Variants in HSD17B4 observed in about 807,000 individuals in gnomAD.
HSD17B4 encodes the protein hydroxysteroid 17-beta dehydrogenase 4.
In HSD17B4, 70 loss-of-function variants were observed where a neutral mutation model predicts 101.0. The observed-to-expected ratio is 0.69, with a 90% CI of 0.57 to 0.85. The LOEUF (loss-of-function observed/expected upper bound fraction) is 0.85, where lower values mean the gene tolerates loss of function less well. Among genes scored for constraint, HSD17B4 ranks in the 40% least tolerant of loss-of-function variants. The probability of loss-of-function intolerance (pLI) is 0.00; values close to 1 mark genes in which losing one functional copy is unlikely to be tolerated. For missense variants in HSD17B4, 984 were observed against 892.4 expected, an observed-to-expected ratio of 1.10 and a Z score of -1.31; for synonymous variants, 347 against 297.1, an observed-to-expected ratio of 1.17 and a Z score of -1.73.
intron 23 of HSD17B4, among the ~76,000 whole-genome samples, chr5:119,536,901 C>T (rs547203906): frequency 2.4e-4 from 37 of 152,112 alleles, no homozygotes; most frequent in African/African-American, 8.9e-4. Flanking sequence ...ATATTTTAAC[C>T]TAATAGCCCA....
chr5:119,491,334 C>G (rs1053898868), intron 9 of HSD17B4, among the ~76,000 whole-genome samples: 5 of 152,086 alleles, frequency 3.3e-5, no homozygotes, highest in African/African-American at 1.2e-4. Context: ...AACTTAGAGC[C>G]ACTAAGATGT....
At chr5:119,501,127 A>T (rs1033570179) in intron 13 of HSD17B4, among the ~76,000 whole-genome samples, 28 of 152,264 alleles carry the variant, frequency 1.8e-4, no homozygotes, top group African/African-American at 4.8e-5. Context: ...ACTCTGAACA[A>T]TGTAAATGCA....
intron 14 of HSD17B4, among the ~76,000 whole-genome samples, chr5:119,505,921 C>G (rs1751604467): frequency 6.6e-6 from 1 of 152,066 alleles, no homozygotes; most frequent in Admixed American, 6.5e-5. Flanking sequence ...TTAAAAAAAT[C>G]TAATGTATCA....
chr5:119,500,073 T>C (rs1362392482), intron 13 of HSD17B4, among the ~76,000 whole-genome samples: 3 of 152,162 alleles, frequency 2.0e-5, no homozygotes, highest in Non-Finnish European at 2.9e-5. Context: ...TTGATGAACA[T>C]GTGAAGCCAT....
chr5:119,509,002 C>G, intron 15 of HSD17B4, 139 bp from the exon 16 acceptor site: 1 of 641,954 alleles, frequency 1.6e-6, no homozygotes, highest in Non-Finnish European at 2.8e-6. Flanking sequence ...CAAACTTGGA[C>G]ACCTTTACAT....
chr5:119,465,606 A>G (rs1003158682), intron 2 of HSD17B4, among the ~76,000 whole-genome samples: 7 of 152,238 alleles, frequency 4.6e-5, no homozygotes, highest in Non-Finnish European at 7.3e-5. Context: ...GGTATTTCCT[A>G]TAACAATGCA....
At chr5:119,520,875 A>G (rs1026201366) in intron 17 of HSD17B4, among the ~76,000 whole-genome samples, 1 of 152,150 alleles carries the variant, frequency 6.6e-6, no homozygotes, top group Non-Finnish European at 1.5e-5. Flanking sequence ...TTTCTTGTAT[A>G]ACAGTCAAAA....
chr5:119,541,184 C>T (rs1023171668), intron 23 of HSD17B4, among the ~76,000 whole-genome samples: 10 of 152,158 alleles, frequency 6.6e-5, no homozygotes, highest in African/African-American at 2.2e-4. Flanking sequence ...AGGAACCCTT[C>T]GTTTTTAACA....
At chr5:119,483,980 C>G (rs2455463) in intron 8 of HSD17B4, among the ~76,000 whole-genome samples, 76,200 of 151,934 alleles carry the variant, frequency 0.5, 20,406 homozygotes, top group East Asian at 0.92. Context: ...CAAACAAGGT[C>G]CACAGACATT....
At chr5:119,475,978 C>A in intron 6 of HSD17B4, 108 bp downstream of exon 6, 1 of 791,794 alleles carries the variant, frequency 1.3e-6, no homozygotes, top group Non-Finnish European at 2.2e-6. Flanking sequence ...TCTACTTTTG[C>A]TGCTAATATA....
intron 12 of HSD17B4, among the ~76,000 whole-genome samples, chr5:119,498,231 A>G (rs548037180): frequency 1.3e-5 from 2 of 152,340 alleles, no homozygotes; most frequent in East Asian, 1.9e-4. Context: ...AAGCCTGAGA[A>G]TGTGGTCAGT....
chr5:119,477,890 T>C (rs1748740222), intron 7 of HSD17B4: 1 of 195,534 alleles, frequency 5.1e-6, no homozygotes, highest in Non-Finnish European at 1.1e-5. Context: ...TAGCTGGGAC[T>C]GCAGGTATGT....
chr5:119,500,327 C>T (rs749147185), intron 13 of HSD17B4, among the ~76,000 whole-genome samples: 39 of 151,462 alleles, frequency 2.6e-4, no homozygotes, highest in Non-Finnish European at 4.9e-4. Context: ...GAGATGGGTG[C>T]ATATATATAC....
chr5:119,499,727 G>C, intron 13 of HSD17B4, 174 bp downstream of exon 13: 1 of 402,160 alleles, frequency 2.5e-6, no homozygotes, highest in South Asian at 5.3e-5. Context: ...AAAGAGGGGA[G>C]AGTTAGTTCA....
chr5:119,525,283 C>T lies in HSD17B4; in HGVS notation c.1571C>T (p.Ala524Val). The change falls in exon 18 of 24, where the codon GCA becomes GTA. Residue 524 changes from alanine to valine, a missense_variant and splice_region_variant. Transcript: ENST00000510025. ...LHIDPNFASL[A>V]GFDKPILHGL... The stretch of plus-strand genomic sequence containing the variant: ...ATTGATCCTAACTTTGCTAGTCTAG[C>T]AGGTGAGTTGTCTTTAATATGTATC... 6.2e-7 allele frequency: 1 copy of T among 1,600,280 alleles called. No individual in the cohort carries two copies. The highest frequency in any genetic ancestry group is 8.6e-7 in the Non-Finnish European group (1 of 1,167,774).
At chr5:119,539,447 G>T (rs1038996918) in intron 23 of HSD17B4, among the ~76,000 whole-genome samples, 3 of 150,698 alleles carry the variant, frequency 2.0e-5, no homozygotes, top group Non-Finnish European at 4.4e-5. Flanking sequence ...TTGGGGGAGG[G>T]GGGGAGGGAT....
chr5:119,537,074 G>A (rs1426028737), intron 23 of HSD17B4, among the ~76,000 whole-genome samples: 1 of 152,050 alleles, frequency 6.6e-6, no homozygotes, highest in Non-Finnish European at 1.5e-5. Flanking sequence ...GAATGGAGGA[G>A]AAAAATTTGT....
chr5:119,496,630 C>A lies in HSD17B4; in HGVS notation c.956C>A (p.Thr319Lys). ...SANHTSRATS[T>K]ATSGFAGAIG... ...AATCATACTAGTCGTGCAACGTCTA[C>A]AGCAACATCAGGATTTGTAAGTGGG... is the stretch of plus-strand genomic sequence containing the variant. The change falls in exon 12 of 24, where the codon ACA (threonine) becomes AAA (lysine). Residue 319 changes from threonine (T) to lysine (K), a missense_variant. Transcript: ENST00000510025. 1.3e-6 allele frequency: 2 copies of A among 1,586,486 alleles called. No homozygotes were observed. The highest frequency in any genetic ancestry group is 1.7e-6 in the Non-Finnish European group (2 of 1,154,762).
intron 2 of HSD17B4, among the ~76,000 whole-genome samples, chr5:119,471,080 T>TA (rs1416676581): frequency 6.6e-6 from 1 of 152,232 alleles, no homozygotes; most frequent in African/African-American, 2.4e-5. Flanking sequence ...CTTTCTTCAC[T>TA]TAAGTATCAC....
Sources: gnomAD v4.1 joint callset for allele counts (sites outside exome capture counted in the v4.1 genomes callset) on GRCh38, gnomAD v4.1.1 for gene constraint, MANE v1.5 for transcripts, NCBI Gene and HGNC (gene_info 2026-07-23, HGNC 2026-07-21) for gene names.